Variants in ERC1 observed in about 807,000 individuals in gnomAD.
The protein encoded by ERC1 is RAB6 interacting protein 2.
Under a neutral mutation model 132.0 loss-of-function variants are expected in ERC1, and 56 were observed. The ratio of observed to expected loss-of-function variants is 0.42; its 90% confidence interval spans 0.34 to 0.53. The LOEUF (loss-of-function observed/expected upper bound fraction) is 0.53. Among genes scored for constraint, ERC1 ranks in the 20% least tolerant of loss-of-function variants. The pLI is 0.03. For synonymous variants in ERC1, 478 were observed against 476.1 expected, an observed-to-expected ratio of 1.00 and a Z score of -0.05; for missense variants, 1,202 against 1,349.9, an observed-to-expected ratio of 0.89 and a Z score of 1.72.
chr12:1,418,058 C>G (rs1195924567), intron 17 of ERC1, among the ~76,000 whole-genome samples: 1 of 152,162 alleles, frequency 6.6e-6, no homozygotes, highest in Non-Finnish European at 1.5e-5. Flanking sequence ...ATACCTGGTA[C>G]ACAGTAGAAG....
chr12:1,304,192 G>T (rs1052117661), intron 15 of ERC1, among the ~76,000 whole-genome samples: 8 of 152,122 alleles, frequency 5.3e-5, no homozygotes, highest in African/African-American at 1.9e-4. Context: ...AACACAGGAG[G>T]TGTAAATACC....
intron 12 of ERC1, among the ~76,000 whole-genome samples, chr12:1,210,608 C>T (rs1487906980): frequency 6.6e-6 from 1 of 152,074 alleles, no homozygotes; most frequent in Non-Finnish European, 1.5e-5. Context: ...TTTTTCTTTA[C>T]TTCGCTTTCC....
chr12:1,015,916 A>G (rs989450479), intron 1 of ERC1, among the ~76,000 whole-genome samples: 1 of 152,148 alleles, frequency 6.6e-6, no homozygotes, highest in Non-Finnish European at 1.5e-5. Context: ...ATCAGGTTAC[A>G]TCAGGTTGGA....
intron 12 of ERC1, among the ~76,000 whole-genome samples, chr12:1,200,808 T>C (rs1956845607): frequency 6.6e-6 from 1 of 152,146 alleles, no homozygotes; most frequent in Non-Finnish European, 1.5e-5. Flanking sequence ...TCCGCCCGCC[T>C]CGGCCTCCCA....
chr12:1,354,252 G>C (rs2085309918), intron 15 of ERC1, among the ~76,000 whole-genome samples: 1 of 152,026 alleles, frequency 6.6e-6, no homozygotes. Context: ...GGCCAGGTGT[G>C]GTGGCTCATG....
At chr12:1,337,738 G>A (rs1234144267) in intron 15 of ERC1, among the ~76,000 whole-genome samples, 1 of 152,192 alleles carries the variant, frequency 6.6e-6, no homozygotes, top group Admixed American at 6.5e-5. Context: ...AGGTTTGATA[G>A]TAATGAATTT....
At chr12:1,461,116 G>A (rs10848472) in intron 18 of ERC1, among the ~76,000 whole-genome samples, 6 of 151,918 alleles carry the variant, frequency 3.9e-5, no homozygotes, top group African/African-American at 9.7e-5. Flanking sequence ...GAATGTTGTA[G>A]AATTTCCTTC....
intron 15 of ERC1, 85 bp downstream of exon 15, chr12:1,290,097 T>C (rs951371076): frequency 1.7e-6 from 2 of 1,169,540 alleles, no homozygotes; most frequent in East Asian, 2.4e-5. Context: ...CTCTGTGTTT[T>C]ACCCCAATAC....
At chr12:1,295,799 A>G (rs930237652) in intron 15 of ERC1, among the ~76,000 whole-genome samples, 1 of 152,170 alleles carries the variant, frequency 6.6e-6, no homozygotes, top group African/African-American at 2.4e-5. Flanking sequence ...CCAAACCTAT[A>G]CAAGTTCAAG....
At chr12:1,244,151 C>T (rs1178835698) in intron 13 of ERC1, among the ~76,000 whole-genome samples, 1 of 152,060 alleles carries the variant, frequency 6.6e-6, no homozygotes. Flanking sequence ...TAATATACCA[C>T]GTGATTGAAG....
intron 2 of ERC1, among the ~76,000 whole-genome samples, chr12:1,042,649 AT>A (rs200405201): frequency 1.8e-3 from 266 of 146,066 alleles, no homozygotes; most frequent in African/African-American, 3.2e-3. Flanking sequence ...AGTATTTTTA[AT>A]TTTTTTTTTT....
intron 7 of ERC1, among the ~76,000 whole-genome samples, chr12:1,122,547 G>C (rs61914264): frequency 1.1e-4 from 1 of 8,940 alleles, no homozygotes; most frequent in Admixed American, 9.4e-4. Context: ...CTCTATCTGT[G>C]TCTCTATCTC....
intron 6 of ERC1, among the ~76,000 whole-genome samples, chr12:1,114,178 C>T (rs1216696128): frequency 6.6e-6 from 1 of 152,100 alleles, no homozygotes; most frequent in African/African-American, 2.4e-5. Flanking sequence ...CATGCGCCAC[C>T]ATGCCCAGCT....
At chr12:1,458,395 A>G (rs963825687) in intron 18 of ERC1, among the ~76,000 whole-genome samples, 1 of 152,134 alleles carries the variant, frequency 6.6e-6, no homozygotes, top group African/African-American at 2.4e-5. Context: ...GACAAATCCT[A>G]TCGTATTGGA....
chr12:1,035,962 C>A (rs1271336929), intron 2 of ERC1, among the ~76,000 whole-genome samples: 2 of 149,952 alleles, frequency 1.3e-5, no homozygotes, highest in Non-Finnish European at 3.0e-5. Context: ...TTTTTAAATT[C>A]TAAACAGCAT....
rs547426393 is a variant in ERC1 at position 1,465,006 on chromosome 12, G to A, written c.3213+20256G>A. 3.9e-5 allele frequency among the ~76,000 whole-genome samples: 6 copies of A among 151,994 alleles called. No individual in the cohort carries two copies. The East Asian group carries it at 1.2e-3, about 29-fold the overall frequency. ...CCTAATTGCTTTTTTCCTTTGTGTT[G>A]AACGTATTCCCATGGGAGAAGAAAG... On this transcript the variant is annotated intron_variant, in intron 18 of 18. Transcript: ENST00000360905.
chr12:1,074,261 A>G (rs181107275), intron 2 of ERC1, among the ~76,000 whole-genome samples: 1 of 152,132 alleles, frequency 6.6e-6, no homozygotes, highest in Non-Finnish European at 1.5e-5. Flanking sequence ...TATAGAATGC[A>G]TTTATGACAG....
At chr12:993,435 G>A (rs1441536377) in intron 1 of ERC1, among the ~76,000 whole-genome samples, 2 of 152,164 alleles carry the variant, frequency 1.3e-5, no homozygotes, top group Non-Finnish European at 2.9e-5. Context: ...ATTTCGTTTA[G>A]CATTTCTTGT....
Position 1,434,110 on chromosome 12 carries a change from AT to A in ERC1, c.3025-10449del, listed in dbSNP as rs200400403. ...TCCTCTTGTCCCTTTTCTTTGCTTG[AT>A]TTCTAGAGTTAGATTTTATCATTTC... On this transcript the variant is annotated intron_variant, in intron 17 of 18. Transcript: ENST00000360905. Among the ~76,000 whole-genome samples, 676 of 151,636 alleles carry A rather than the reference AT, an allele frequency of 4.5e-3. 10 individuals are homozygous for A. The highest frequency in any genetic ancestry group is 0.016 in the African/African-American group (641 of 41,330).
Sources: gnomAD v4.1 joint callset for allele counts (sites outside exome capture counted in the v4.1 genomes callset) on GRCh38, gnomAD v4.1.1 for gene constraint, MANE v1.5 for transcripts, NCBI Gene and HGNC (gene_info 2026-07-23, HGNC 2026-07-21) for gene names.